The following C12orf42 variants were observed in gnomAD, a reference collection of about 807,000 sequenced individuals.
C12orf42 encodes chromosome 12 open reading frame 42.
In C12orf42, 25 loss-of-function variants were observed where a neutral mutation model predicts 21.6. The observed-to-expected ratio is 1.16, with a 90% CI of 0.84 to 1.62. The LOEUF (loss-of-function observed/expected upper bound fraction) is 1.62, where lower values mean the gene tolerates loss of function less well. C12orf42 is among the 40% of genes most tolerant of loss of function. The pLI is 0.00. For synonymous variants in C12orf42, 174 were observed against 175.0 expected (o/e 0.99, Z 0.05); for missense variants, 483 against 459.3 (o/e 1.05, Z -0.47).
the C12orf42 span, among the ~76,000 whole-genome samples, chr12:103,100,486 G>C: frequency 6.6e-6 from 1 of 152,178 alleles, no homozygotes; most frequent in African/African-American, 2.4e-5. Flanking sequence ...GCACCGGAGC[G>C]GTCACTCCTG....
chr12:103,165,969 G>A, the C12orf42 span, among the ~76,000 whole-genome samples: 208 of 152,232 alleles, frequency 1.4e-3, no homozygotes, highest in African/African-American at 3.8e-3. Flanking sequence ...GAACCCGGGA[G>A]GGGGAGGTTG....
upstream of C12orf42, among the ~76,000 whole-genome samples, chr12:103,497,327 G>A (rs1348753798): frequency 6.6e-6 from 1 of 152,172 alleles, no homozygotes; most frequent in Non-Finnish European, 1.5e-5. Context: ...TGAGAGTTCT[G>A]AGAAGACATG....
chr12:103,097,284 C>T, the C12orf42 span, among the ~76,000 whole-genome samples: 1 of 152,224 alleles, frequency 6.6e-6, no homozygotes, highest in South Asian at 2.1e-4. Context: ...GTTCATAGCA[C>T]TTCTTGTGAA....
rs560422664 is a variant in C12orf42, at chr12:103,434,745, G to T, written c.79-33070C>A. 1.2e-4 allele frequency among the ~76,000 whole-genome samples: 19 copies of T among 152,320 alleles called. No individual in the cohort carries two copies. The South Asian group carries it at 3.9e-3, about 32-fold the overall frequency. ...TTATATGCCGCACCTGGCTTGGAGG[G>T]TCCTACGCCCACGGACTCTTGCTGA... On this transcript the variant is annotated intron_variant, in intron 2 of 5. Transcript: ENST00000548883.
At chr12:103,174,369 A>G in the C12orf42 span, among the ~76,000 whole-genome samples, 381 of 152,320 alleles carry the variant, frequency 2.5e-3, 11 homozygotes, top group East Asian at 0.06. Flanking sequence ...ACATAGTCTC[A>G]GGGTTAATTT....
chr12:103,348,963 T>A (rs748847466), intron 4 of C12orf42, among the ~76,000 whole-genome samples: 2 of 152,172 alleles, frequency 1.3e-5, no homozygotes, highest in African/African-American at 4.8e-5. Context: ...ATAGAAATCA[T>A]GTTCTTCACA....
At chr12:103,138,811 C>A in the C12orf42 span, among the ~76,000 whole-genome samples, 1 of 152,198 alleles carries the variant, frequency 6.6e-6, no homozygotes, top group African/African-American at 2.4e-5. Context: ...TGGCCTCTCT[C>A]TTGCATCCAC....
At chr12:103,254,595 C>T (rs2034462701) in intron 10 of C12orf42, among the ~76,000 whole-genome samples, 1 of 152,186 alleles carries the variant, frequency 6.6e-6, no homozygotes, top group Admixed American at 6.5e-5. Flanking sequence ...TAAAAAGGAA[C>T]AATATCATGT....
At chr12:103,227,460 T>C in the C12orf42 span, among the ~76,000 whole-genome samples, 19 of 151,532 alleles carry the variant, frequency 1.3e-4, no homozygotes, top group African/African-American at 3.9e-4. Flanking sequence ...AAATAAGGGA[T>C]TGGGGTACAG....
chr12:103,116,225 G>A, the C12orf42 span, among the ~76,000 whole-genome samples: 2 of 151,936 alleles, frequency 1.3e-5, no homozygotes, highest in Admixed American at 6.6e-5. Flanking sequence ...TTAGCCAGGC[G>A]TGGTGACACA....
chr12:103,204,208 G>T, the C12orf42 span, among the ~76,000 whole-genome samples: 2 of 152,168 alleles, frequency 1.3e-5, no homozygotes, highest in African/African-American at 4.8e-5. Context: ...TTAAGGAACT[G>T]CTGGGAGTCA....
intron 2 of C12orf42, chr12:103,431,432 G>A (rs370206779): frequency 2.0e-5 from 3 of 152,076 alleles, no homozygotes; most frequent in Non-Finnish European, 2.9e-5. Context: ...TATATGTCAC[G>A]GATGGTAAAA....
chr12:103,270,684 C>T (rs1315757412), intron 5 of C12orf42, among the ~76,000 whole-genome samples: 1 of 150,418 alleles, frequency 6.6e-6, no homozygotes, highest in African/African-American at 2.4e-5. Context: ...CCCATTAACT[C>T]GTCATTTAGC....
chr12:103,124,216 C>A, the C12orf42 span, among the ~76,000 whole-genome samples: 1 of 130,790 alleles, frequency 7.6e-6, no homozygotes, highest in Non-Finnish European at 1.6e-5. Context: ...GCCCTGCTCC[C>A]AGATGTAACA....
At chr12:103,077,814 C>T in the C12orf42 span, among the ~76,000 whole-genome samples, 1 of 152,172 alleles carries the variant, frequency 6.6e-6, no homozygotes, top group South Asian at 2.1e-4. Flanking sequence ...TCATTAGCAC[C>T]ATAATCCCCA....
intron 4 of C12orf42, among the ~76,000 whole-genome samples, chr12:103,324,037 G>A (rs774522118): frequency 3.3e-5 from 5 of 151,926 alleles, no homozygotes; most frequent in African/African-American, 7.3e-5. Flanking sequence ...TAACACTATG[G>A]CAAAAAAATC....
the C12orf42 span, among the ~76,000 whole-genome samples, chr12:103,208,459 T>A: frequency 0.019 from 2,908 of 152,290 alleles, 35 homozygotes; most frequent in East Asian, 0.028. Context: ...CCACAAAGTT[T>A]TGAGCCCCAC....
chr12:103,251,005 C>G (rs889594711), intron 10 of C12orf42, among the ~76,000 whole-genome samples: 3 of 152,036 alleles, frequency 2.0e-5, no homozygotes, highest in Non-Finnish European at 4.4e-5. Flanking sequence ...AAAGACCACC[C>G]CTTTCTGGCA....
At chr12:103,481,605 TC>T (rs1406999174) in intron 1 of C12orf42, among the ~76,000 whole-genome samples, 3 of 151,878 alleles carry the variant, frequency 2.0e-5, no homozygotes, top group Non-Finnish European at 4.4e-5. Flanking sequence ...ACATTTTTGT[TC>T]CTTATGGTTT....
Sources: allele counts gnomAD v4.1 joint callset (sites outside exome capture counted in the v4.1 genomes callset), GRCh38; gene constraint gnomAD v4.1.1; transcripts MANE v1.5; gene names NCBI Gene and HGNC (gene_info 2026-07-23, HGNC 2026-07-21).